Variants in PCCA observed in about 807,000 individuals in gnomAD.
The protein encoded by PCCA is propionyl-CoA carboxylase alpha chain, mitochondrial.
Under a neutral mutation model 101.3 loss-of-function variants are expected in PCCA, and 74 were observed. That is an observed-to-expected ratio of 0.73 (90% confidence interval 0.61 to 0.89). The LOEUF (loss-of-function observed/expected upper bound fraction) is 0.89, where lower values mean the gene tolerates loss of function less well. Among genes scored for constraint, PCCA ranks in the 40% least tolerant of loss-of-function variants. The probability of loss-of-function intolerance (pLI) is 0.00; values close to 1 mark genes in which losing one functional copy is unlikely to be tolerated. For missense variants in PCCA, 891 were observed against 907.0 expected (o/e 0.98, Z 0.23); for synonymous variants, 294 against 313.6 (o/e 0.94, Z 0.66).
At chr13:100,180,177 G>C in intron 6 of PCCA, among the ~76,000 whole-genome samples, 1 of 152,168 alleles carries the variant, frequency 6.6e-6, no homozygotes, top group Admixed American at 6.5e-5. Context: ...TGTAACAACA[G>C]TGCATATCAG....
intron 21 of PCCA, among the ~76,000 whole-genome samples, chr13:100,500,275 G>A (rs1425882506): frequency 6.6e-6 from 1 of 151,990 alleles, no homozygotes; most frequent in Non-Finnish European, 1.5e-5. Flanking sequence ...GCAGACACCA[G>A]ACCAAGGGCA....
intron 6 of PCCA, among the ~76,000 whole-genome samples, chr13:100,203,876 T>G (rs2058691287): frequency 6.6e-6 from 1 of 152,198 alleles, no homozygotes; most frequent in Admixed American, 6.5e-5. Flanking sequence ...TTGAAAAGAA[T>G]GAATTAACCC....
At chr13:100,381,004 T>C (rs543630591) in intron 19 of PCCA, among the ~76,000 whole-genome samples, 3 of 152,358 alleles carry the variant, frequency 2.0e-5, no homozygotes, top group South Asian at 4.1e-4. Flanking sequence ...TCATAAGGCA[T>C]GGAGGGATCC....
rs535309574 is a variant in PCCA at position 100,335,285 on chromosome 13, C to T, written c.1540+4614C>T. Among the ~76,000 whole-genome samples, 5 of 152,210 alleles carry T rather than the reference C, an allele frequency of 3.3e-5. No individual in the cohort carries two copies. In the South Asian group the frequency reaches 6.2e-4, roughly 19 times the overall value. ...ATAGCTTAAAAATATACATATTTTT[C>T]CCCCTACCCCCAAATCCACTAACTT... On this transcript the variant is annotated intron_variant, in intron 17 of 23. Transcript: ENST00000376285.
At chr13:100,359,055 G>T (rs112810312) in intron 18 of PCCA, among the ~76,000 whole-genome samples, 216 of 135,656 alleles carry the variant, frequency 1.6e-3, no homozygotes, top group African/African-American at 5.8e-3. Flanking sequence ...AGCTGAGATC[G>T]TGCCACTGCA....
At chr13:100,195,910 C>T (rs942881206) in intron 6 of PCCA, among the ~76,000 whole-genome samples, 22 of 152,214 alleles carry the variant, frequency 1.4e-4, no homozygotes, top group Admixed American at 7.2e-4. Flanking sequence ...CACCCAGGCT[C>T]TTTCTTCTTT....
chr13:100,245,037 G>A (rs931511811), intron 8 of PCCA, among the ~76,000 whole-genome samples: 1 of 151,660 alleles, frequency 6.6e-6, no homozygotes, highest in African/African-American at 2.4e-5. Flanking sequence ...GATAATTACA[G>A]ACCCCAAATA....
intron 19 of PCCA, among the ~76,000 whole-genome samples, chr13:100,384,044 T>G (rs556918858): frequency 8.4e-4 from 107 of 127,828 alleles, no homozygotes; most frequent in African/African-American, 3.0e-3. Context: ...TTTTTTTTTT[T>G]GAGACAGAGC....
chr13:100,149,427 A>G (rs2053019944), intron 4 of PCCA: 1 of 152,096 alleles, frequency 6.6e-6, no homozygotes, highest in African/African-American at 2.4e-5. Flanking sequence ...CATATTCCAA[A>G]CTGAAACTCT....
chr13:100,523,855 A>G (rs1209251831), intron 22 of PCCA, among the ~76,000 whole-genome samples: 1 of 152,250 alleles, frequency 6.6e-6, no homozygotes, highest in Non-Finnish European at 1.5e-5. Flanking sequence ...TGTCACAATC[A>G]TTAAGTCTTT....
intron 21 of PCCA, among the ~76,000 whole-genome samples, chr13:100,482,052 A>G (rs371765225): frequency 6.6e-5 from 10 of 152,376 alleles, no homozygotes; most frequent in African/African-American, 2.2e-4. Context: ...CCTTTTTAAT[A>G]TGATTGATGT....
chr13:100,239,815 A>G (rs1026855868), intron 8 of PCCA, among the ~76,000 whole-genome samples: 1 of 152,102 alleles, frequency 6.6e-6, no homozygotes, highest in Non-Finnish European at 1.5e-5. Context: ...ATCACAAATC[A>G]TGCCCAATTT....
intron 16 of PCCA, among the ~76,000 whole-genome samples, chr13:100,311,109 C>T (rs538565992): frequency 6.6e-6 from 1 of 151,964 alleles, no homozygotes; most frequent in Admixed American, 6.6e-5. Flanking sequence ...TGGTGGGCGT[C>T]TGTAATCCCC....
chr13:100,209,536 G>A (rs2059076020), intron 7 of PCCA, 73 bp downstream of exon 7: 16 of 1,310,786 alleles, frequency 1.2e-5, no homozygotes, highest in Non-Finnish European at 1.7e-5. Context: ...AAGATAAAAT[G>A]TAACTATTGC....
At chr13:100,243,161 G>T (rs921640029) in intron 8 of PCCA, among the ~76,000 whole-genome samples, 10 of 152,232 alleles carry the variant, frequency 6.6e-5, no homozygotes, top group African/African-American at 1.9e-4. Context: ...CTCCCAAAGT[G>T]CTGGGATTAC....
chr13:100,195,947 A>G lies in PCCA; in HGVS notation c.469-13385A>G, dbSNP rs1051463258. On this transcript the variant is annotated intron_variant, in intron 6 of 23. Transcript: ENST00000376285. ...CAATCAATGAGACTCTGGAAGTGGT[A>G]TCAGTGCTGATTACAGGGAAATAAA... Among the ~76,000 whole-genome samples the G allele has an allele frequency of 9.2e-5, 14 of 152,288 alleles. No individual in the cohort carries two copies. The South Asian group carries it at 1.2e-3, about 14-fold the overall frequency.
At chr13:100,529,508 C>T (rs2088188453) in intron 23 of PCCA, among the ~76,000 whole-genome samples, 1 of 152,194 alleles carries the variant, frequency 6.6e-6, no homozygotes, top group East Asian at 1.9e-4. Context: ...TGACTGAAAC[C>T]GGTAGGACAA....
intron 6 of PCCA, among the ~76,000 whole-genome samples, chr13:100,163,631 A>G (rs1002035439): frequency 6.6e-6 from 1 of 152,160 alleles, no homozygotes; most frequent in Admixed American, 6.5e-5. Flanking sequence ...ATGTGTCATC[A>G]GGCTCACCCT....
In PCCA at chr13:100,456,757, C is replaced by T. The variant is rs201772926; in HGVS notation, c.1899+7452C>T. Among the ~76,000 whole-genome samples the T allele has an allele frequency of 9.2e-5, 14 of 152,240 alleles. No individual in the cohort carries two copies. In the East Asian group the frequency reaches 2.3e-3, roughly 25 times the overall value. ...CTATTTCTTCTACCGCTATCTACTA[C>T]GAGCTTCAAAGAGGAACCAGGAGTT... On this transcript the variant is annotated intron_variant, in intron 21 of 23. Coordinates refer to ENST00000376285, the MANE Select transcript of PCCA (RefSeq NM_000282.4).
Sources: gnomAD v4.1 joint callset for allele counts (sites outside exome capture counted in the v4.1 genomes callset) on GRCh38, gnomAD v4.1.1 for gene constraint, MANE v1.5 for transcripts, NCBI Gene and HGNC (gene_info 2026-07-23, HGNC 2026-07-21) for gene names.